DEGS2: variants seen among roughly 807,000 people sequenced by gnomAD.
DEGS2 encodes delta 4-desaturase, sphingolipid 2.
Under a neutral mutation model 23.8 loss-of-function variants are expected in DEGS2, and 19 were observed. That is an observed-to-expected ratio of 0.80 (90% CI 0.56 to 1.17). The LOEUF (loss-of-function observed/expected upper bound fraction) is 1.17. DEGS2 is among the 50% of genes most tolerant of loss of function. DEGS2 has a pLI of 0.00. For synonymous variants in DEGS2, 218 were observed against 213.7 expected, an observed-to-expected ratio of 1.02 and a Z score of -0.18; for missense variants, 390 against 459.5, an observed-to-expected ratio of 0.85 and a Z score of 1.38.
At position 100,145,497 on chromosome 14, in the gene DEGS2, C is replaced by G. The variant is rs1889427477; in HGVS notation, c.*1264G>C. The G allele has an allele frequency of 6.6e-6, 1 of 152,278 alleles. No homozygotes were observed. The highest frequency in any genetic ancestry group is 2.4e-5 in the African/African-American group (1 of 41,460). 9.4% of individuals were successfully genotyped at this position (152,278 alleles called of 1,614,324 possible). On this transcript the variant is annotated 3_prime_UTR_variant, in exon 3 of 3. Coordinates refer to ENST00000305631, the MANE Select transcript of DEGS2 (RefSeq NM_206918.3). ...CAGGTATAGGGGGAGACCTGCATCTCCCAGGTCAGCAGGGACAGCCCCTGG... is the reference window on the plus strand; with the variant it reads ...CAGGTATAGGGGGAGACCTGCATCTGCCAGGTCAGCAGGGACAGCCCCTGG...
At chr14:100,152,233 C>T (rs1051824230) in intron 1 of DEGS2, among the ~76,000 whole-genome samples, 8 of 151,874 alleles carry the variant, frequency 5.3e-5, no homozygotes, top group African/African-American at 1.9e-4. Flanking sequence ...CAGGGAGGCA[C>T]CAGAGGACGG....
At chr14:100,148,482 C>G (rs559739123) in intron 2 of DEGS2, among the ~76,000 whole-genome samples, 1 of 152,348 alleles carries the variant, frequency 6.6e-6, no homozygotes, top group African/African-American at 2.4e-5. Flanking sequence ...CTCCCAGTCT[C>G]CTAAGGCAAA....
chr14:100,154,339 T>C (rs1889622382), intron 1 of DEGS2, among the ~76,000 whole-genome samples: 2 of 142,132 alleles, frequency 1.4e-5, no homozygotes, highest in Admixed American at 7.3e-5. Context: ...GACTCCAGCC[T>C]GGCAACAAAG....
chr14:100,148,972 G>C lies in DEGS2; in HGVS notation c.821C>G (p.Pro274Arg). ...DFPSIPGYNL[P>R]LVRKIAPEYY... is the part of the protein sequence containing the mutation. ...CCTGCCAGCCCAGCCACATACCAGC[G>C]GCAGGTTGTAGCCCGGGATGCTGGG... Residue 274 changes from proline (P) to arginine (R), a missense_variant, in exon 2 of 3, where the codon CCG becomes CGG. Transcript: ENST00000305631. The C allele has an allele frequency of 6.2e-7, 1 of 1,611,388 alleles. No homozygotes were observed. The highest frequency in any genetic ancestry group is 8.5e-7 in the Non-Finnish European group (1 of 1,178,924).
intron 1 of DEGS2, among the ~76,000 whole-genome samples, chr14:100,153,368 A>G (rs1190068273): frequency 2.3e-5 from 3 of 132,322 alleles, no homozygotes; most frequent in Admixed American, 7.3e-5. Flanking sequence ...ACACTAATAC[A>G]GGGCCTCTTC....
At chr14:100,166,303 G>GAGA in the DEGS2 span, among the ~76,000 whole-genome samples, 2 of 73,666 alleles carry the variant, frequency 2.7e-5, no homozygotes, top group African/African-American at 1.5e-4. Context: ...GCCTGCCCGG[G>GAGA]GCTGTGGGGG....
upstream of DEGS2, among the ~76,000 whole-genome samples, chr14:100,164,215 G>A (rs961289248): frequency 2.0e-5 from 3 of 152,036 alleles, no homozygotes; most frequent in African/African-American, 7.2e-5. Flanking sequence ...TTCCAGGGGT[G>A]AGCCCCCGCG....
chr14:100,151,058 G>A (rs184786534), intron 1 of DEGS2, among the ~76,000 whole-genome samples: 3 of 152,118 alleles, frequency 2.0e-5, no homozygotes, highest in African/African-American at 7.2e-5. Flanking sequence ...GAGGCCTAGT[G>A]CAGGCGGGTC....
intron 1 of DEGS2, among the ~76,000 whole-genome samples, chr14:100,158,166 T>C (rs1187205408): frequency 6.6e-6 from 1 of 151,396 alleles, no homozygotes; most frequent in Admixed American, 6.6e-5. Context: ...CCCAACACTT[T>C]GGGAGGCTGA....
At chr14:100,154,961 G>A (rs1485774529) in intron 1 of DEGS2, among the ~76,000 whole-genome samples, 2 of 151,746 alleles carry the variant, frequency 1.3e-5, no homozygotes, top group Non-Finnish European at 2.9e-5. Flanking sequence ...CAAAAGCAAA[G>A]GGGCCTCTTA....
At chr14:100,147,040 C>T in intron 2 of DEGS2, 133 bp from the exon 3 acceptor site, 1 of 980,292 alleles carries the variant, frequency 1.0e-6, no homozygotes, top group Non-Finnish European at 1.5e-6. Context: ...TGCGCGCGCG[C>T]ACACCCACAC....
In DEGS2 at chr14:100,144,679, C is replaced by T. The variant is rs1345071191; in HGVS notation, c.*2082G>A. The T allele has an allele frequency of 2.6e-5, 4 of 152,308 alleles. No individual in the cohort carries two copies. Among genetic ancestry groups the T allele is most frequent in the Non-Finnish European group, 5.9e-5 (4 of 68,090 alleles). 9.4% of individuals were successfully genotyped at this position (152,308 alleles called of 1,614,324 possible). ...GCAATGGGCTGTCCCAGGCCCCTGC[C>T]CTGAGGCAGCAGCCAGAGACAGAGG... On this transcript the variant is annotated 3_prime_UTR_variant, in exon 3 of 3. Transcript: ENST00000305631.
At chr14:100,161,719 T>C (rs923753596), upstream of DEGS2, among the ~76,000 whole-genome samples, 2 of 152,230 alleles carry the variant, frequency 1.3e-5, no homozygotes, top group Admixed American at 1.3e-4. Flanking sequence ...GTGGCATATA[T>C]GTGAACTTTC....
rs138470491 is a variant in DEGS2, at chr14:100,149,487, C to T, written c.306G>A (p.Ala102=). ...SHNAAFGTGR[A]ARNRWLAVFA... ...ACACGGCCAGCCAGCGGTTGCGTGC[C>T]GCACGGCCCGTGCCGAAGGCCGCGT... The change falls in exon 2 of 3, where the codon GCG becomes GCA. Residue 102 remains alanine, a synonymous_variant. Transcript: ENST00000305631. 4.7e-5 allele frequency: 75 copies of T among 1,597,912 alleles called. No individual in the cohort carries two copies. Among genetic ancestry groups the T allele is most frequent in the East Asian group, 9.0e-5 (4 of 44,374 alleles).
rs1889437471 is a variant in DEGS2 at position 100,145,972 on chromosome 14, T to A, written c.*789A>T. The A allele has an allele frequency of 6.6e-6, 1 of 152,538 alleles. No individual in the cohort carries two copies. Among genetic ancestry groups the A allele is most frequent in the African/African-American group, 2.4e-5 (1 of 41,428 alleles). The allele number at this position is 152,538 out of a possible 1,614,324, so 9.4% of individuals were successfully genotyped here. ...CCCTCCTCCGAGCTGGTGTGGGGGA[T>A]AGACCCTCTCTGGGCTCAGGGACGC... On this transcript the variant is annotated 3_prime_UTR_variant, in exon 3 of 3. Transcript: ENST00000305631.
At chr14:100,157,572 C>T (rs922493631) in intron 1 of DEGS2, among the ~76,000 whole-genome samples, 5 of 152,184 alleles carry the variant, frequency 3.3e-5, no homozygotes, top group African/African-American at 7.2e-5. Context: ...CCACAGCATA[C>T]GGGAGGCAGC....
intron 1 of DEGS2, among the ~76,000 whole-genome samples, chr14:100,150,237 C>T (rs1052692266): frequency 6.6e-6 from 1 of 152,148 alleles, no homozygotes; most frequent in African/African-American, 2.4e-5. Flanking sequence ...CATGCAAAGT[C>T]CCCTTTGTGT....
chr14:100,147,773 G>A (rs1889479047), intron 2 of DEGS2, among the ~76,000 whole-genome samples: 3 of 151,458 alleles, frequency 2.0e-5, no homozygotes. Flanking sequence ...CCAGCACCAG[G>A]CACCCAGAGC....
chr14:100,147,583 C>T (rs916234828), intron 2 of DEGS2, among the ~76,000 whole-genome samples: 3 of 152,000 alleles, frequency 2.0e-5, no homozygotes, highest in Non-Finnish European at 2.9e-5. Flanking sequence ...CCCGCAACTG[C>T]GCCACCACCA....
Sources: gnomAD v4.1 joint callset for allele counts (sites outside exome capture counted in the v4.1 genomes callset) on GRCh38, gnomAD v4.1.1 for gene constraint, MANE v1.5 for transcripts, NCBI Gene and HGNC (gene_info 2026-07-23, HGNC 2026-07-21) for gene names.